Variants in BTD observed in about 807,000 individuals in gnomAD.
BTD encodes biotinidase.
Under a neutral mutation model 17.7 loss-of-function variants are expected in BTD, and 13 were observed. The observed-to-expected ratio is 0.74, with a 90% confidence interval of 0.48 to 1.17. The LOEUF is 1.17. BTD is among the 50% of genes most tolerant of loss of function. BTD has a pLI of 0.00. For synonymous variants in BTD, 240 were observed against 245.2 expected (o/e 0.98, Z 0.20); for missense variants, 674 against 650.4 (o/e 1.04, Z -0.39).
intron 3 of BTD, among the ~76,000 whole-genome samples, chr3:15,691,716 G>A (rs778841902): frequency 3.9e-5 from 6 of 152,198 alleles, no homozygotes; most frequent in Non-Finnish European, 8.8e-5. Flanking sequence ...GTAGGTCACG[G>A]AATTCTACTG....
intron 3 of BTD, chr3:15,678,340 G>A (rs1375720960): frequency 1.2e-6 from 2 of 1,604,670 alleles, no homozygotes; most frequent in African/African-American, 1.3e-5. Context: ...GAAGGCGGCT[G>A]CATGGAGAGG....
At position 15,652,240 on chromosome 3, in the gene BTD, C is replaced by T. The variant is rs972617487; in HGVS notation, c.*6752C>T. On this transcript the variant is annotated 3_prime_UTR_variant, in exon 4 of 4. Coordinates refer to ENST00000643237, the MANE Select transcript of BTD (RefSeq NM_001370658.1). ...AGTCGGGAGGCTGAGGCAGAAGAATCGCTTGAACCCGGGAGGCGGAGGTTA... is the reference window on the plus strand; with the variant it reads ...AGTCGGGAGGCTGAGGCAGAAGAATTGCTTGAACCCGGGAGGCGGAGGTTA... Among the ~76,000 whole-genome samples, 10 of 152,134 alleles carry T rather than the reference C, an allele frequency of 6.6e-5. No homozygotes were observed. Among genetic ancestry groups the T allele is most frequent in the Non-Finnish European group, 5.9e-5 (4 of 68,034 alleles).
In BTD at chr3:15,642,068, C is replaced by T. The variant is rs1298043490; in HGVS notation, c.399+11C>T. The T allele has an allele frequency of 6.2e-7, 1 of 1,613,872 alleles. No homozygotes were observed. The highest frequency in any genetic ancestry group is 8.5e-7 in the Non-Finnish European group (1 of 1,179,944). ...TTCAATGACACAGAGGTGATTCCTG[C>T]CTTTTTCCTCAGTAGGCTGAGGGTA... On this transcript the variant is annotated intron_variant, in intron 3 of 3. Transcript: ENST00000643237.
At chr3:15,601,545 A>C (rs1359174567), upstream of BTD, 15 of 1,605,160 alleles carry the variant, frequency 9.3e-6, no homozygotes, top group Non-Finnish European at 1.1e-5. Context: ...AATCGGCAGC[A>C]CGCCACCTCT....
At position 15,674,821 on chromosome 3, in the gene BTD, A is replaced by C. The variant is rs530899977; in HGVS notation, c.399+32764A>C. Among the ~76,000 whole-genome samples, 36 of 152,326 alleles carry C rather than the reference A, an allele frequency of 2.4e-4. 1 individual carries two copies. In the South Asian group the frequency reaches 7.2e-3, roughly 31 times the overall value. ...GCAGAGTAAAAAAATTTATCAAAGG[A>C]AACGATCAGTTGTGCCAAAAGCTGA... On this transcript the variant is annotated intron_variant, in intron 3 of 3. Transcript: ENST00000672141.
At chr3:15,602,296 A>G in intron 1 of BTD, 2 of 1,170,338 alleles carry the variant, frequency 1.7e-6, no homozygotes, top group Non-Finnish European at 2.1e-6. Flanking sequence ...AAGCGATGAA[A>G]AGAGCACCTT....
intron 3 of BTD, chr3:15,676,256 ACTTTT>A (rs1300441441): frequency 2.3e-5 from 8 of 346,300 alleles, no homozygotes; most frequent in East Asian, 4.4e-5. Context: ...TCCTTTTGTT[ACTTTT>A]CTTTTCAATG....
chr3:15,665,533 C>CCCA, intron 3 of BTD, among the ~76,000 whole-genome samples: 1 of 152,066 alleles, frequency 6.6e-6, no homozygotes, highest in Admixed American at 6.6e-5. Flanking sequence ...TGTAAGGGTA[C>CCCA]CACAAAAAGA....
At position 15,645,327 on chromosome 3, in the gene BTD, A is replaced by C; in HGVS notation, c.1411A>C (p.Ser471Arg). ...TGAGTTTCACCTGTGGGGCAACTTC[A>C]GTACTTCCTATATCTTTCCTTTGTT... ...IFEFHLWGNF[S>R]TSYIFPLFLT... The change falls in exon 4 of 4, where the codon AGT becomes CGT. Residue 471 changes from serine (S) to arginine (R), a missense_variant. Transcript: ENST00000643237. The C allele has an allele frequency of 1.2e-6, 2 of 1,614,204 alleles. No homozygotes were observed. The highest frequency in any genetic ancestry group is 8.5e-7 in the Non-Finnish European group (1 of 1,180,026).
intron 1 of BTD, among the ~76,000 whole-genome samples, chr3:15,621,426 T>C (rs1574992355): frequency 6.6e-6 from 1 of 152,172 alleles, no homozygotes; most frequent in South Asian, 2.1e-4. Flanking sequence ...ATAATTTATT[T>C]CTGAATGTTT....
At chr3:15,609,269 A>G (rs182019101) in intron 1 of BTD, among the ~76,000 whole-genome samples, 1 of 152,338 alleles carries the variant, frequency 6.6e-6, no homozygotes, top group Non-Finnish European at 1.5e-5. Context: ...GAAATACATC[A>G]CAAATATAAT....
At chr3:15,681,136 GTTTA>G (rs2067498354) in intron 3 of BTD, among the ~76,000 whole-genome samples, 1 of 152,014 alleles carries the variant, frequency 6.6e-6, no homozygotes, top group African/African-American at 2.4e-5. Flanking sequence ...GTACAAAATG[GTTTA>G]TTTGTGTATA....
intron 3 of BTD, chr3:15,696,011 T>C (rs2069496789): frequency 1.4e-6 from 1 of 700,574 alleles, no homozygotes. Context: ...AAGAGGTATA[T>C]AAATTCTGAA....
exon 4 of BTD, chr3:15,712,274 A>T: frequency 7.3e-7 from 1 of 1,366,816 alleles, no homozygotes. Flanking sequence ...AGAAAAATAC[A>T]ATCAGTTAAA....
At chr3:15,712,275 A>G (rs2072408831) in exon 4 of BTD, 4 of 1,366,714 alleles carry the variant, frequency 2.9e-6, no homozygotes, top group African/African-American at 2.9e-5. Flanking sequence ...GAAAAATACA[A>G]TCAGTTAAAT....
intron 3 of BTD, chr3:15,675,849 A>G (rs2066880574): frequency 7.0e-7 from 1 of 1,428,154 alleles, no homozygotes; most frequent in African/African-American, 1.4e-5. Flanking sequence ...AATATGGATC[A>G]AAAGATAAAA....
At chr3:15,689,483 G>A (rs1225453935) in intron 3 of BTD, among the ~76,000 whole-genome samples, 5 of 152,222 alleles carry the variant, frequency 3.3e-5, no homozygotes, top group Admixed American at 2.6e-4. Flanking sequence ...AGGCTGCCAA[G>A]GTTGTTTTCC....
chr3:15,642,216 C>A, intron 3 of BTD, 159 bp downstream of exon 3: 1 of 1,486,166 alleles, frequency 6.7e-7, no homozygotes. Context: ...ATGTTCATTC[C>A]ATTAAAGAAT....
At chr3:15,716,439 G>A (rs1237278587), downstream of BTD, among the ~76,000 whole-genome samples, 1 of 151,862 alleles carries the variant, frequency 6.6e-6, no homozygotes, top group Non-Finnish European at 1.5e-5. Context: ...CTACTGGCAT[G>A]TAACATTACA....
Sources: gnomAD v4.1 joint callset for allele counts (sites outside exome capture counted in the v4.1 genomes callset) on GRCh38, gnomAD v4.1.1 for gene constraint, MANE v1.5 for transcripts, NCBI Gene and HGNC (gene_info 2026-07-23, HGNC 2026-07-21) for gene names.